Variants in OSBPL9 observed in about 807,000 individuals in gnomAD.
OSBPL9 encodes the protein oxysterol binding protein like 9, also known as oxysterol-binding protein-related protein 9.
A neutral mutation model predicts 106.6 loss-of-function variants in OSBPL9; 40 were observed. The observed-to-expected ratio is 0.38, with a 90% CI of 0.29 to 0.49. OSBPL9 has a LOEUF of 0.49. OSBPL9 is among the 20% of genes least tolerant of loss of function. The probability of loss-of-function intolerance (pLI) is 0.97; values close to 1 mark genes in which losing one functional copy is unlikely to be tolerated. For synonymous variants in OSBPL9, 269 were observed against 295.4 expected, an observed-to-expected ratio of 0.91 and a Z score of 0.92; for missense variants, 609 against 887.2, an observed-to-expected ratio of 0.69 and a Z score of 3.98.
intron 3 of OSBPL9, among the ~76,000 whole-genome samples, chr1:51,683,556 G>A (rs1273983907): frequency 6.6e-6 from 1 of 151,946 alleles, no homozygotes; most frequent in East Asian, 2.0e-4. Flanking sequence ...ACCTTGGGAA[G>A]CTGAGGTGGG....
chr1:51,730,495 A>T (rs1664140705), intron 4 of OSBPL9, among the ~76,000 whole-genome samples: 1 of 152,042 alleles, frequency 6.6e-6, no homozygotes, highest in Non-Finnish European at 1.5e-5. Flanking sequence ...GTAATTACGG[A>T]TGCTATTGTT....
intron 4 of OSBPL9, among the ~76,000 whole-genome samples, chr1:51,717,074 T>A (rs1486745004): frequency 6.6e-6 from 1 of 151,998 alleles, no homozygotes; most frequent in Non-Finnish European, 1.5e-5. Flanking sequence ...CAAGTGATCC[T>A]CCCACCTCAA....
chr1:51,586,886 C>G (rs1190592947), intron 1 of OSBPL9, among the ~76,000 whole-genome samples: 1 of 152,156 alleles, frequency 6.6e-6, no homozygotes, highest in Non-Finnish European at 1.5e-5. Context: ...CTCCAAGTCC[C>G]TCCCATCACT....
chr1:51,784,059 T>C (rs1210803413), intron 18 of OSBPL9, 34 bp downstream of exon 18: 2 of 1,541,442 alleles, frequency 1.3e-6, no homozygotes, highest in Non-Finnish European at 9.0e-7. Flanking sequence ...ACTACAATGT[T>C]ATAGGAGAAT....
intron 1 of OSBPL9, among the ~76,000 whole-genome samples, chr1:51,580,610 G>T (rs1450961592): frequency 3.3e-5 from 5 of 151,972 alleles, no homozygotes; most frequent in African/African-American, 7.2e-5. Context: ...GAGAACCTAT[G>T]CTGTGCCAGT....
intron 2 of OSBPL9, among the ~76,000 whole-genome samples, chr1:51,654,435 T>C (rs989278323): frequency 3.9e-5 from 6 of 152,188 alleles, no homozygotes. Context: ...GCTTGATTAT[T>C]TCCTATTATT....
At chr1:51,592,594 C>T (rs1645282629) in intron 1 of OSBPL9, among the ~76,000 whole-genome samples, 1 of 152,134 alleles carries the variant, frequency 6.6e-6, no homozygotes, top group African/African-American at 2.4e-5. Flanking sequence ...AGGGCTGACA[C>T]ACAAGAAGCA....
intron 4 of OSBPL9, among the ~76,000 whole-genome samples, chr1:51,742,947 T>G (rs1667245829): frequency 6.6e-6 from 1 of 152,180 alleles, no homozygotes; most frequent in African/African-American, 2.4e-5. Context: ...GAAAAGAACT[T>G]CTGTGAATGG....
Position 51,729,660 on chromosome 1 carries a change from C to A in OSBPL9, c.318+15581C>A. 1 of 380,202 alleles carries A rather than the reference C, an allele frequency of 2.6e-6. No individual in the cohort carries two copies. The highest frequency in any genetic ancestry group is 4.2e-6 in the Non-Finnish European group (1 of 238,536). 23.6% of individuals were successfully genotyped at this position (380,202 alleles called of 1,614,324 possible). A position where few individuals can be genotyped will look rare whatever the true frequency, so the allele number is the denominator to read the frequency against. ...GCTGCCAGCTCCCTCGGCCTCTCCACCCAAAACTGGCCCAACCGCCAATCG... is the reference window on the plus strand; with the variant it reads ...GCTGCCAGCTCCCTCGGCCTCTCCAACCAAAACTGGCCCAACCGCCAATCG... On this transcript the variant is annotated intron_variant, in intron 4 of 23. Transcript: ENST00000428468. This position sits in a 1 kb window ranked among gnomAD's most constrained non-coding sequence, Gnocchi z 5.1.
chr1:51,651,480 G>A (rs1231849933), intron 1 of OSBPL9, among the ~76,000 whole-genome samples: 1 of 152,082 alleles, frequency 6.6e-6, no homozygotes, highest in African/African-American at 2.4e-5. Context: ...GCGGGTGCCT[G>A]TAATCCCAGC....
At chr1:51,749,402 T>A (rs56788937) in intron 7 of OSBPL9, 1 of 245,122 alleles carries the variant, frequency 4.1e-6, no homozygotes, top group Admixed American at 3.4e-5. Context: ...AGCTTCGAAC[T>A]CCTGGGCTCA....
intron 1 of OSBPL9, among the ~76,000 whole-genome samples, chr1:51,592,344 G>T (rs566409044): frequency 1.3e-5 from 2 of 151,898 alleles, no homozygotes; most frequent in African/African-American, 4.8e-5. Flanking sequence ...CTCGATCTCC[G>T]GACCTCGTGA....
At chr1:51,685,507 A>C (rs533768172) in intron 3 of OSBPL9, among the ~76,000 whole-genome samples, 2 of 152,150 alleles carry the variant, frequency 1.3e-5, no homozygotes, top group South Asian at 4.1e-4. Context: ...TCCAGGGTTC[A>C]AGCGATTCTC....
the OSBPL9 span, among the ~76,000 whole-genome samples, chr1:51,563,980 A>T: frequency 1.5e-5 from 2 of 136,494 alleles, no homozygotes; most frequent in Non-Finnish European, 3.1e-5. Flanking sequence ...ATCTGAGCCC[A>T]GGAGGCAGAG....
the OSBPL9 span, among the ~76,000 whole-genome samples, chr1:51,551,967 A>ATGTGTGTGTGTGTGTG: frequency 0.028 from 4,116 of 145,110 alleles, 80 homozygotes; most frequent in African/African-American, 0.042. Context: ...GTGAATAGAA[A>ATGTGTGTGTGTGTGTG]TGTGTGTGTG....
intron 1 of OSBPL9, among the ~76,000 whole-genome samples, chr1:51,644,542 G>T (rs2148683873): frequency 1.3e-5 from 2 of 152,226 alleles, no homozygotes; most frequent in East Asian, 3.9e-4. Context: ...TGGCCAGGCT[G>T]GTCTTGAACT....
intron 1 of OSBPL9, among the ~76,000 whole-genome samples, chr1:51,648,417 A>G (rs1459204388): frequency 3.3e-5 from 5 of 152,114 alleles, no homozygotes; most frequent in Admixed American, 3.3e-4. Flanking sequence ...CAGCTTCAAG[A>G]GCAGATAGGA....
At chr1:51,774,658 C>G (rs1674648420) in intron 14 of OSBPL9, among the ~76,000 whole-genome samples, 2 of 152,070 alleles carry the variant, frequency 1.3e-5, no homozygotes, top group African/African-American at 4.8e-5. Flanking sequence ...TTTTCAGGTA[C>G]TTAGAGAAAT....
At chr1:51,759,046 T>TC (rs1415862088) in intron 9 of OSBPL9, among the ~76,000 whole-genome samples, 1 of 151,954 alleles carries the variant, frequency 6.6e-6, no homozygotes, top group Non-Finnish European at 1.5e-5. Context: ...TATTAAAAAC[T>TC]CCAAGTCTCT....
Sources: gnomAD v4.1 joint callset for allele counts (sites outside exome capture counted in the v4.1 genomes callset) on GRCh38, gnomAD v4.1.1 for gene constraint, Gnocchi (gnomAD v3.1) non-coding constraint, MANE v1.5 for transcripts, NCBI Gene and HGNC (gene_info 2026-07-23, HGNC 2026-07-21) for gene names.